The following ZPLD1 variants were observed in gnomAD, a reference collection of about 807,000 sequenced individuals.
ZPLD1 encodes zona pellucida like domain containing 1.
A neutral mutation model predicts 47.2 loss-of-function variants in ZPLD1; 34 were observed. The ratio of observed to expected loss-of-function variants is 0.72; its 90% CI spans 0.55 to 0.96. ZPLD1 has a LOEUF of 0.96. ZPLD1 is among the 40% of genes least tolerant of loss of function. The pLI is 0.00. For missense variants in ZPLD1, 512 were observed against 505.8 expected, an observed-to-expected ratio of 1.01 and a Z score of -0.12; for synonymous variants, 176 against 186.2, an observed-to-expected ratio of 0.95 and a Z score of 0.45.
At chr3:102,407,414 T>TATATATAC (rs1322552518) in intron 7 of ZPLD1, among the ~76,000 whole-genome samples, 2 of 91,142 alleles carry the variant, frequency 2.2e-5, no homozygotes, top group Non-Finnish European at 4.3e-5. Context: ...TATATATATA[T>TATATATAC]ATATATATAT....
At chr3:102,424,677 G>A (rs766830725) in intron 8 of ZPLD1, among the ~76,000 whole-genome samples, 6 of 152,116 alleles carry the variant, frequency 3.9e-5, no homozygotes, top group Non-Finnish European at 8.8e-5. Context: ...CTCACAGTAA[G>A]ATATGTTACA....
chr3:102,394,439 AG>A (rs1425728514), intron 7 of ZPLD1, among the ~76,000 whole-genome samples: 1 of 152,204 alleles, frequency 6.6e-6, no homozygotes, highest in African/African-American at 2.4e-5. Context: ...ATGTTCCCTT[AG>A]GATACTTAAA....
chr3:102,435,007 G>A, upstream of ZPLD1: 1 of 1,251,732 alleles, frequency 8.0e-7, no homozygotes, highest in South Asian at 1.3e-5. Context: ...ATATGTTTTT[G>A]AGGAATGTAA....
At chr3:102,428,276 G>A (rs989492968) in intron 8 of ZPLD1, among the ~76,000 whole-genome samples, 1 of 151,996 alleles carries the variant, frequency 6.6e-6, no homozygotes, top group Non-Finnish European at 1.5e-5. Flanking sequence ...ATGATTTTAC[G>A]GTTTAAAGAC....
At position 102,393,144 on chromosome 3, in the gene ZPLD1, A is replaced by G. The variant is rs528246595; in HGVS notation, c.-157+919A>G. Reference sequence around the variant, plus strand: ...TATATATTGGAACTAAAGTTTTCCAAGGTGGAAATTGAGCTAGAGGGTGTG... The same window carrying G: ...TATATATTGGAACTAAAGTTTTCCAGGGTGGAAATTGAGCTAGAGGGTGTG... On this transcript the variant is annotated intron_variant, in intron 7 of 17. Coordinates refer to the ZPLD1 transcript ENST00000491959. 1.4e-4 allele frequency among the ~76,000 whole-genome samples: 21 copies of G among 152,278 alleles called. No individual in the cohort carries two copies. The South Asian group carries it at 2.1e-3, about 15-fold the overall frequency.
intron 1 of ZPLD1, 144 bp downstream of exon 1, chr3:102,435,298 G>T (rs1707072305): frequency 6.0e-6 from 5 of 832,726 alleles, no homozygotes; most frequent in Non-Finnish European, 9.7e-6. Context: ...CTTTATAAGA[G>T]ATATGGGTGT....
intron 7 of ZPLD1, among the ~76,000 whole-genome samples, chr3:102,393,546 A>G (rs62274720): frequency 0.16 from 23,900 of 151,724 alleles, 1,922 homozygotes; most frequent in African/African-American, 0.19. Flanking sequence ...GAATTGGGGA[A>G]TGGGGTGACA....
upstream of ZPLD1, among the ~76,000 whole-genome samples, chr3:102,434,661 T>G (rs943840433): frequency 6.6e-6 from 1 of 152,208 alleles, no homozygotes; most frequent in Non-Finnish European, 1.5e-5. Flanking sequence ...AAGGCCATTA[T>G]CATCTCAGAC....
intron 7 of ZPLD1, among the ~76,000 whole-genome samples, chr3:102,401,170 G>A (rs968330524): frequency 6.6e-6 from 1 of 151,982 alleles, no homozygotes; most frequent in African/African-American, 2.4e-5. Context: ...TCATATGAAT[G>A]ACATGTCAGC....
At chr3:102,386,377 C>T (rs1706425683) in intron 6 of ZPLD1, among the ~76,000 whole-genome samples, 1 of 151,072 alleles carries the variant, frequency 6.6e-6, no homozygotes, top group South Asian at 2.1e-4. Context: ...GTGGGTTACT[C>T]TCCATTCTAT....
In ZPLD1 at chr3:102,471,650, G is replaced by T. The variant is rs1268784400; in HGVS notation, c.1042+1148G>T. On this transcript the variant is annotated intron_variant, in intron 10 of 11. Coordinates refer to ENST00000466937, the MANE Select transcript of ZPLD1 (RefSeq NM_001329788.2). ...TTCAGAGTCCATTGGATAAAACAGA[G>T]ATGTGGCATAAAAAACTCTGAAACT... is the stretch of plus-strand genomic sequence containing the variant. Among the ~76,000 whole-genome samples, 3 of 152,194 alleles carry T rather than the reference G, an allele frequency of 2.0e-5. No homozygotes were observed. In the East Asian group the frequency reaches 5.8e-4, roughly 29 times the overall value.
intron 3 of ZPLD1, among the ~76,000 whole-genome samples, chr3:102,439,306 C>T (rs148883257): frequency 6.6e-6 from 1 of 152,358 alleles, no homozygotes; most frequent in African/African-American, 2.4e-5. Flanking sequence ...TTCTCAAAAC[C>T]TGCCAGTCCT....
chr3:102,432,693 C>T (rs570647999), upstream of ZPLD1, among the ~76,000 whole-genome samples: 15 of 151,880 alleles, frequency 9.9e-5, no homozygotes, highest in Non-Finnish European at 1.5e-4. Flanking sequence ...CACCTTTATT[C>T]ATCTGAAAAG....
At chr3:102,398,029 T>A (rs1706576868) in intron 7 of ZPLD1, among the ~76,000 whole-genome samples, 1 of 152,132 alleles carries the variant, frequency 6.6e-6, no homozygotes, top group South Asian at 2.1e-4. Context: ...GATAAATGTG[T>A]GTGTGAATGC....
At chr3:102,399,635 G>T (rs1357424720) in intron 7 of ZPLD1, among the ~76,000 whole-genome samples, 2 of 151,766 alleles carry the variant, frequency 1.3e-5, no homozygotes, top group Admixed American at 6.6e-5. Flanking sequence ...GTATCTATTT[G>T]CCCAGTCTTT....
intron 8 of ZPLD1, among the ~76,000 whole-genome samples, chr3:102,422,678 T>G (rs1706894900): frequency 6.6e-6 from 1 of 152,050 alleles, no homozygotes; most frequent in Non-Finnish European, 1.5e-5. Context: ...GAAGAGCTGC[T>G]TTATAGCTGG....
chr3:102,457,220 C>G (rs1265757073), intron 5 of ZPLD1, among the ~76,000 whole-genome samples: 1 of 152,088 alleles, frequency 6.6e-6, no homozygotes, highest in East Asian at 1.9e-4. Flanking sequence ...TGATAAGCAC[C>G]TTGGTCAGAA....
At chr3:102,475,145 G>A (rs1442375183) in intron 10 of ZPLD1, among the ~76,000 whole-genome samples, 2 of 152,048 alleles carry the variant, frequency 1.3e-5, no homozygotes, top group Admixed American at 6.6e-5. Flanking sequence ...GCCAAAGGTA[G>A]TATGCTTTCA....
chr3:102,474,973 G>A lies in ZPLD1; in HGVS notation c.1043-2039G>A, dbSNP rs954585615. On this transcript the variant is annotated intron_variant, in intron 10 of 11. Transcript: ENST00000466937. ...CTACCTTCCCTTTCAAGGCTATACAGTGCTTTGATTTTTTTTGTTTGTTTG... is the reference window on the plus strand; with the variant it reads ...CTACCTTCCCTTTCAAGGCTATACAATGCTTTGATTTTTTTTGTTTGTTTG... Among the ~76,000 whole-genome samples, 3 of 151,932 alleles carry A rather than the reference G, an allele frequency of 2.0e-5. No individual in the cohort carries two copies. The South Asian group carries it at 6.2e-4, about 31-fold the overall frequency.
Sources: gnomAD v4.1 joint callset for allele counts (sites outside exome capture counted in the v4.1 genomes callset) on GRCh38, gnomAD v4.1.1 for gene constraint, MANE v1.5 for transcripts, NCBI Gene and HGNC (gene_info 2026-07-23, HGNC 2026-07-21) for gene names.